Variants in ING2 observed in about 807,000 individuals in gnomAD.
ING2 encodes inhibitor of growth family member 2, also known as inhibitor of growth protein 2.
A neutral mutation model predicts 30.6 loss-of-function variants in ING2; 7 were observed. That is an observed-to-expected ratio of 0.23 (90% CI 0.13 to 0.43). The LOEUF (loss-of-function observed/expected upper bound fraction) is 0.43, where lower values mean the gene tolerates loss of function less well. Among genes scored for constraint, ING2 ranks in the 20% least tolerant of loss-of-function variants. The pLI is 1.00. For missense variants in ING2, 239 were observed against 334.9 expected (o/e 0.71, Z 2.24); for synonymous variants, 136 against 121.7 (o/e 1.12, Z -0.78).
intron 1 of ING2, among the ~76,000 whole-genome samples, chr4:183,505,717 G>A (rs1344777157): frequency 2.7e-5 from 4 of 150,508 alleles, no homozygotes; most frequent in South Asian, 2.1e-4. Context: ...GACTGCAGCC[G>A]GGCAAGGGTC....
chr4:183,507,544 G>T (rs1734680530), intron 1 of ING2, among the ~76,000 whole-genome samples: 1 of 152,140 alleles, frequency 6.6e-6, no homozygotes, highest in African/African-American at 2.4e-5. Context: ...AATAGCTCTG[G>T]TAACATTAGT....
chr4:183,505,473 G>C lies in ING2; in HGVS notation c.172+106G>C, dbSNP rs990762675. 3.3e-6 allele frequency: 4 copies of C among 1,206,646 alleles called. No homozygotes were observed. The African/African-American group carries it at 6.3e-5, about 19-fold the overall frequency. The allele number at this position is 1,206,646 out of a possible 1,614,324, so 74.7% of individuals were successfully genotyped here. On this transcript the variant is annotated intron_variant, in intron 1 of 1. Transcript: ENST00000302327. ...TGACAGTCTCCCCGAGCGCACCGAG[G>C]GTCTGCCGAGCGGGACTGGGAGGAC...
At chr4:183,508,788 A>C (rs911853633) in intron 1 of ING2, among the ~76,000 whole-genome samples, 5 of 152,340 alleles carry the variant, frequency 3.3e-5, no homozygotes, top group Non-Finnish European at 5.9e-5. Context: ...TACATCTTGT[A>C]AGAATAAGAA....
chr4:183,505,253 C>A lies in ING2; in HGVS notation c.58C>A (p.Arg20=). The change falls in exon 1 of 2, where the codon CGG becomes AGG. Residue 20 remains arginine (R), a synonymous_variant. Coordinates refer to ENST00000302327, the MANE Select transcript of ING2 (RefSeq NM_001564.4). ...YSSAALLTGE[R]SRLLTCYVQD... ...GTCGGCCGCGCTCCTGACCGGGGAG[C>A]GGAGCCGGCTGCTCACCTGCTACGT... The A allele has an allele frequency of 6.3e-7, 1 of 1,595,494 alleles. No individual in the cohort carries two copies. The highest frequency in any genetic ancestry group is 1.3e-5 in the African/African-American group (1 of 74,270).
rs1024685986 is a variant in ING2 at position 183,506,132 on chromosome 4, C to T, written c.172+765C>T. 2.8e-5 allele frequency: 35 copies of T among 1,236,120 alleles called. No individual in the cohort carries two copies. In the African/African-American group the frequency reaches 4.7e-4, roughly 17 times the overall value. 76.6% of individuals were successfully genotyped at this position (1,236,120 alleles called of 1,614,324 possible). A position where few individuals can be genotyped will look rare whatever the true frequency, so the allele number is the denominator to read the frequency against. ...CGCGGGCCTGGAAAATGGCTGGTCG[C>T]GAGAGGGGCGGTGGCGAGCTGGCTG... On this transcript the variant is annotated intron_variant, in intron 1 of 1. Transcript: ENST00000302327.
At position 183,510,427 on chromosome 4, in the gene ING2, A is replaced by G. The variant is rs1379162368; in HGVS notation, c.318A>G (p.Gln106=). Residue 106 remains glutamine, a synonymous_variant, in exon 2 of 2, where the codon CAA becomes CAG. Transcript: ENST00000302327. ...ATGAAAAAATACAGATTGTTACACA[A>G]ATGCTCGAATTGGTGGAAAATCGGG... ...LGDEKIQIVT[Q]MLELVENRAR... is the part of the protein sequence containing the mutation. The G allele has an allele frequency of 6.2e-7, 1 of 1,614,230 alleles. No individual in the cohort carries two copies. Among genetic ancestry groups the G allele is most frequent in the Admixed American group, 1.7e-5 (1 of 60,028 alleles).
intron 1 of ING2, among the ~76,000 whole-genome samples, chr4:183,509,896 C>T (rs777791806): frequency 3.3e-5 from 5 of 151,806 alleles, no homozygotes; most frequent in Non-Finnish European, 5.9e-5. Context: ...CCACCATGCC[C>T]GGCTAATTTT....
At position 183,505,180 on chromosome 4, in the gene ING2, G is replaced by A. The variant is rs1314280839; in HGVS notation, c.-16G>A. On this transcript the variant is annotated 5_prime_UTR_variant, in exon 1 of 2. Coordinates refer to ENST00000302327, the MANE Select transcript of ING2 (RefSeq NM_001564.4). ...TGCTGGATGCGGAGGCGGCGGCGAC[G>A]GCGCGGATCGGCAGGATGTTAGGGC... 15 of 1,590,106 alleles carry A rather than the reference G, an allele frequency of 9.4e-6. No homozygotes were observed. Among genetic ancestry groups the A allele is most frequent in the Admixed American group, 1.7e-5 (1 of 58,072 alleles).
intron 1 of ING2, among the ~76,000 whole-genome samples, chr4:183,507,064 C>T (rs1734665906): frequency 6.6e-6 from 1 of 152,132 alleles, no homozygotes. Context: ...TGGAACCTTT[C>T]TAGTTTTTCA....
intron 1 of ING2, among the ~76,000 whole-genome samples, chr4:183,505,752 C>T (rs1019881219): frequency 2.6e-5 from 4 of 152,064 alleles, no homozygotes; most frequent in Non-Finnish European, 5.9e-5. Flanking sequence ...GCCGGGCTCC[C>T]GCTGGTCTGC....
At chr4:183,508,866 A>G (rs1734746984) in intron 1 of ING2, among the ~76,000 whole-genome samples, 2 of 152,174 alleles carry the variant, frequency 1.3e-5, no homozygotes, top group African/African-American at 4.8e-5. Flanking sequence ...ATATTTTCAG[A>G]TTTTTGGATA....
At chr4:183,508,296 A>G (rs1036358206) in intron 1 of ING2, among the ~76,000 whole-genome samples, 3 of 152,046 alleles carry the variant, frequency 2.0e-5, no homozygotes, top group African/African-American at 7.2e-5. Flanking sequence ...TATATACTGT[A>G]CTTAGCCTCT....
rs978962413 is a variant in ING2, at chr4:183,511,871, T to A, written c.*919T>A. ...ATTGCCTTTATGTCAGAGAGTTGTT[T>A]TAAATGGTTTTGCTAGTGGTTATTG... On this transcript the variant is annotated 3_prime_UTR_variant, in exon 2 of 2. Coordinates refer to ENST00000302327, the MANE Select transcript of ING2 (RefSeq NM_001564.4). Among the ~76,000 whole-genome samples the A allele has an allele frequency of 6.6e-6, 1 of 152,246 alleles. No individual in the cohort carries two copies. Among genetic ancestry groups the A allele is most frequent in the Non-Finnish European group, 1.5e-5 (1 of 68,036 alleles).
At chr4:183,506,295 G>T (rs550307909) in intron 1 of ING2, 4 of 1,304,280 alleles carry the variant, frequency 3.1e-6, no homozygotes, top group Middle Eastern at 2.1e-4. Context: ...CAGCAGCTCG[G>T]ACCGTCGCGG....
intron 1 of ING2, chr4:183,505,997 TC>T (rs1734633697): frequency 9.1e-6 from 7 of 772,914 alleles, no homozygotes; most frequent in Non-Finnish European, 1.2e-5. Context: ...AGGGGAGGGG[TC>T]CCCCGCGGGA....
At position 183,510,617 on chromosome 4, in the gene ING2, A is replaced by T. The variant is rs768356409; in HGVS notation, c.508A>T (p.Ile170Phe). 10 of 1,614,144 alleles carry T rather than the reference A, an allele frequency of 6.2e-6. No homozygotes were observed. The Middle Eastern group carries it at 1.2e-3, about 186-fold the overall frequency. ...SRDLCHMANGIEDCDDQPPKE... is the reference protein window; with the variant it reads ...SRDLCHMANGFEDCDDQPPKE... ...TGATTTATGTCACATGGCAAATGGGATTGAAGACTGTGATGATCAGCCACC... is the reference window on the plus strand; with the variant it reads ...TGATTTATGTCACATGGCAAATGGGTTTGAAGACTGTGATGATCAGCCACC... The change falls in exon 2 of 2, where the codon ATT becomes TTT. Residue 170 changes from isoleucine (I) to phenylalanine (F), a missense_variant. By Grantham distance (21) the Ile-to-Phe change is conservative. Coordinates refer to ENST00000302327, the MANE Select transcript of ING2 (RefSeq NM_001564.4).
In ING2 at chr4:183,510,391, A is replaced by G. The variant is rs747380454; in HGVS notation, c.282A>G (p.Gln94=). 32 of 1,614,108 alleles carry G rather than the reference A, an allele frequency of 2.0e-5. No homozygotes were observed. The highest frequency in any genetic ancestry group is 5.5e-5 in the South Asian group (5 of 91,090). The change falls in exon 2 of 2, where the codon CAA becomes CAG. Residue 94 remains glutamine (Q), a synonymous_variant. Coordinates refer to ENST00000302327, the MANE Select transcript of ING2 (RefSeq NM_001564.4). The part of the protein sequence containing the change: ...QLLQRALINS[Q]ELGDEKIQIV... ...TCCAGAGAGCACTAATTAATAGTCA[A>G]GAATTGGGAGATGAAAAAATACAGA...
intron 1 of ING2, chr4:183,506,421 G>A: frequency 1.2e-6 from 1 of 841,296 alleles, no homozygotes; most frequent in Non-Finnish European, 1.8e-6. Context: ...CCGACTTTAA[G>A]TGTGGAGGCG....
chr4:183,509,532 G>A (rs1232665534), intron 1 of ING2, among the ~76,000 whole-genome samples: 7 of 149,850 alleles, frequency 4.7e-5, no homozygotes, highest in Admixed American at 1.3e-4. Flanking sequence ...TGCAAGCTCC[G>A]CCTCCAGGGT....
Sources: allele counts gnomAD v4.1 joint callset (sites outside exome capture counted in the v4.1 genomes callset), GRCh38; gene constraint gnomAD v4.1.1; transcripts MANE v1.5; gene names NCBI Gene and HGNC (gene_info 2026-07-23, HGNC 2026-07-21).